FBXL20: variants seen among roughly 807,000 people sequenced by gnomAD.
FBXL20 encodes F-box and leucine rich repeat protein 20.
Under a neutral mutation model 64.0 loss-of-function variants are expected in FBXL20, and 11 were observed. The ratio of observed to expected loss-of-function variants is 0.17; its 90% CI spans 0.11 to 0.28. The LOEUF (loss-of-function observed/expected upper bound fraction) is 0.28, where lower values mean the gene tolerates loss of function less well. Ranked by LOEUF, FBXL20 falls within the 10% of genes least tolerant of loss-of-function variation. The pLI is 1.00. For synonymous variants in FBXL20, 184 were observed against 189.0 expected (o/e 0.97, Z 0.22); for missense variants, 303 against 526.2 (o/e 0.58, Z 4.15).
chr17:39,374,674 T>C (rs942996014), intron 1 of FBXL20, among the ~76,000 whole-genome samples: 6 of 152,240 alleles, frequency 3.9e-5, no homozygotes, highest in Admixed American at 2.0e-4. Flanking sequence ...TAATTATACA[T>C]CTTCTAAACC....
At chr17:39,301,643 A>C (rs1266152199) in intron 3 of FBXL20, among the ~76,000 whole-genome samples, 1 of 151,978 alleles carries the variant, frequency 6.6e-6, no homozygotes, top group Admixed American at 6.6e-5. Context: ...CAGGACAATC[A>C]CTTGAACCTG....
At chr17:39,354,923 GT>G (rs981159573) in intron 1 of FBXL20, among the ~76,000 whole-genome samples, 65 of 151,174 alleles carry the variant, frequency 4.3e-4, no homozygotes, top group African/African-American at 1.6e-3. Flanking sequence ...AAATTTCTTG[GT>G]TTTTTTGTTT....
chr17:39,400,433 A>G (rs1021187256), intron 1 of FBXL20, among the ~76,000 whole-genome samples: 2 of 152,214 alleles, frequency 1.3e-5, no homozygotes, highest in African/African-American at 2.4e-5. Context: ...TTGTCCACTG[A>G]GCTGTGAGTG....
intron 2 of FBXL20, among the ~76,000 whole-genome samples, chr17:39,321,652 C>T (rs568227763): frequency 5.3e-4 from 80 of 150,642 alleles, no homozygotes; most frequent in Non-Finnish European, 9.6e-4. Context: ...TGGTGGCAGG[C>T]GCCTGTAATC....
intron 5 of FBXL20, 126 bp downstream of exon 5, chr17:39,298,864 G>T: frequency 2.8e-6 from 2 of 723,328 alleles, no homozygotes; most frequent in Non-Finnish European, 4.7e-6. Context: ...GATATTTTCA[G>T]ATTATAAGCA....
chr17:39,336,139 G>C (rs2047519902), intron 2 of FBXL20, among the ~76,000 whole-genome samples: 2 of 151,956 alleles, frequency 1.3e-5, no homozygotes, highest in East Asian at 1.9e-4. Context: ...GGGAAGGGAG[G>C]GGGACTAGAA....
chr17:39,402,293 GCCGCCTCCC>G (rs983730161), upstream of FBXL20: 75 of 1,078,482 alleles, frequency 7.0e-5, no homozygotes, highest in East Asian at 3.2e-4. Context: ...TGCCGCCGCC[GCCGCCTCCC>G]CCGCCTCCCC....
intron 1 of FBXL20, among the ~76,000 whole-genome samples, chr17:39,362,357 T>C (rs1382844039): frequency 3.9e-5 from 6 of 152,134 alleles, no homozygotes; most frequent in African/African-American, 7.2e-5. Context: ...CCCAGCACTT[T>C]AGAAGGCTGA....
chr17:39,256,123 C>A lies in FBXL20; in HGVS notation c.*5337G>T, dbSNP rs564308363. The A allele has an allele frequency of 1.3e-5, 2 of 152,238 alleles. No individual in the cohort carries two copies. The highest frequency in any genetic ancestry group is 2.9e-5 in the Non-Finnish European group (2 of 68,044). The allele number at this position is 152,238 out of a possible 1,614,324, so 9.4% of individuals were successfully genotyped here. On this transcript the variant is annotated 3_prime_UTR_variant, in exon 15 of 15. Transcript: ENST00000264658. ...ACCACTTGAGGTCAGAAGTTCGAGA[C>A]TAGCCTGGCCAACATGGCAAAACCC...
At chr17:39,278,036 C>T (rs1295533847) in intron 9 of FBXL20, among the ~76,000 whole-genome samples, 1 of 152,158 alleles carries the variant, frequency 6.6e-6, no homozygotes, top group Non-Finnish European at 1.5e-5. Flanking sequence ...AAACACCAAA[C>T]TAAACCCACA....
chr17:39,401,285 C>A, intron 1 of FBXL20, 76 bp downstream of exon 1: 1 of 1,607,452 alleles, frequency 6.2e-7, no homozygotes, highest in Admixed American at 1.7e-5. Flanking sequence ...GAGGAGGCTC[C>A]GTGCGGAGCG....
At chr17:39,284,710 TATTC>T (rs768851042) in intron 7 of FBXL20, among the ~76,000 whole-genome samples, 21 of 152,216 alleles carry the variant, frequency 1.4e-4, no homozygotes, top group Middle Eastern at 3.4e-3. Context: ...AAGCACTTTA[TATTC>T]ATTAGGTTGA....
rs1645442919 is a variant in FBXL20, at chr17:39,252,674, C to T, written c.*8786G>A. 1 of 151,608 alleles carries T rather than the reference C, an allele frequency of 6.6e-6. No homozygotes were observed. The highest frequency in any genetic ancestry group is 2.4e-5 in the African/African-American group (1 of 41,240). The allele number at this position is 151,608 out of a possible 1,614,324, so 9.4% of individuals were successfully genotyped here. On this transcript the variant is annotated 3_prime_UTR_variant, in exon 15 of 15. Coordinates refer to ENST00000264658, the MANE Select transcript of FBXL20 (RefSeq NM_032875.3). ...GAAAATGAAAAGTCTTCACAGCTTACTTTCTTTAATTACATCATAAAACAA... is the reference window on the plus strand; with the variant it reads ...GAAAATGAAAAGTCTTCACAGCTTATTTTCTTTAATTACATCATAAAACAA...
chr17:39,269,687 A>G (rs2046825574), intron 11 of FBXL20, among the ~76,000 whole-genome samples: 1 of 151,298 alleles, frequency 6.6e-6, no homozygotes, highest in Middle Eastern at 3.2e-3. Flanking sequence ...TAGTAAAGTC[A>G]GGGTTTCTCC....
At position 39,281,445 on chromosome 17, in the gene FBXL20, T is replaced by A; in HGVS notation, c.640A>T (p.Lys214Ter). The change falls in exon 9 of 15, where the codon AAG (lysine) becomes TAG (stop). Residue 214 changes from lysine (K) to a stop codon, truncating the protein, a stop_gained. Coordinates refer to ENST00000264658, the MANE Select transcript of FBXL20 (RefSeq NM_032875.3). LOFTEE classifies it high-confidence loss of function. The stretch of plus-strand genomic sequence containing the variant: ...TCAGGGCAGTGTGCACCTATGTACT[T>A]GAGAGCTTCATCTTCTAGCTAGAAA... ...GCTQLEDEALKYIGAHCPELV... is the reference protein window; with the variant it reads ...GCTQLEDEAL 6.2e-7 allele frequency: 1 copy of A among 1,613,450 alleles called. No individual in the cohort carries two copies. The highest frequency in any genetic ancestry group is 8.5e-7 in the Non-Finnish European group (1 of 1,179,710).
intron 13 of FBXL20, 118 bp from the exon 14 acceptor site, chr17:39,264,505 G>A: frequency 9.6e-7 from 1 of 1,040,934 alleles, no homozygotes; most frequent in Non-Finnish European, 1.4e-6. Flanking sequence ...TATGGAGCTG[G>A]CACTAGATCC....
intron 12 of FBXL20, among the ~76,000 whole-genome samples, chr17:39,266,021 C>T (rs2046788273): frequency 6.7e-6 from 1 of 150,304 alleles, no homozygotes; most frequent in South Asian, 2.1e-4. Flanking sequence ...GTTGAGATGA[C>T]AGGTGTGAAC....
At chr17:39,390,376 C>T (rs917362797) in intron 1 of FBXL20, among the ~76,000 whole-genome samples, 5 of 151,924 alleles carry the variant, frequency 3.3e-5, no homozygotes, top group African/African-American at 1.2e-4. Context: ...GCCTGACCAA[C>T]ATGGTGAAAC....
At chr17:39,377,037 ACCT>A (rs2047973842) in intron 1 of FBXL20, among the ~76,000 whole-genome samples, 1 of 152,078 alleles carries the variant, frequency 6.6e-6, no homozygotes, top group South Asian at 2.1e-4. Flanking sequence ...CCCAAAGCAG[ACCT>A]CCTTCTTGCC....
Sources: allele counts gnomAD v4.1 joint callset (sites outside exome capture counted in the v4.1 genomes callset), GRCh38; gene constraint gnomAD v4.1.1; transcripts MANE v1.5; gene names NCBI Gene and HGNC (gene_info 2026-07-23, HGNC 2026-07-21).